Variants in POU2F1 observed in about 807,000 individuals in gnomAD.
The protein encoded by POU2F1 is POU class 2 homeobox 1.
In POU2F1, 16 loss-of-function variants were observed where a neutral mutation model predicts 84.9. The ratio of observed to expected loss-of-function variants is 0.19; its 90% CI spans 0.13 to 0.29. POU2F1 has a LOEUF of 0.29. Among genes scored for constraint, POU2F1 ranks in the 10% least tolerant of loss-of-function variants. POU2F1 has a pLI of 1.00. For synonymous variants in POU2F1, 368 were observed against 368.3 expected, an observed-to-expected ratio of 1.00 and a Z score of 0.01; for missense variants, 738 against 942.6, an observed-to-expected ratio of 0.78 and a Z score of 2.84.
At chr1:167,395,457 A>G (rs944647118) in intron 9 of POU2F1, among the ~76,000 whole-genome samples, 1 of 152,146 alleles carries the variant, frequency 6.6e-6, no homozygotes, top group Admixed American at 6.5e-5. Flanking sequence ...GAAATACTTG[A>G]TAGGGAAAAG....
At chr1:167,361,444 T>G (rs1375975241) in intron 2 of POU2F1, among the ~76,000 whole-genome samples, 1 of 152,230 alleles carries the variant, frequency 6.6e-6, no homozygotes, top group East Asian at 1.9e-4. Context: ...ATATGGTTTT[T>G]GTTTTAATTC....
intron 1 of POU2F1, among the ~76,000 whole-genome samples, chr1:167,313,430 A>G (rs1000272763): frequency 1.3e-5 from 2 of 152,230 alleles, no homozygotes; most frequent in African/African-American, 4.8e-5. Context: ...AAGACTTATT[A>G]TATAGCCACA....
At chr1:167,233,528 A>C (rs879922607) in intron 1 of POU2F1, among the ~76,000 whole-genome samples, 4 of 152,222 alleles carry the variant, frequency 2.6e-5, no homozygotes, top group Admixed American at 6.5e-5. Flanking sequence ...TTTGTAGTCT[A>C]GGAGCAACAG....
In POU2F1 at chr1:167,391,013, A is replaced by G. The variant is rs112288864; in HGVS notation, c.987+1252A>G. 4.6e-3 allele frequency among the ~76,000 whole-genome samples: 700 copies of G among 152,282 alleles called. 4 individuals are homozygous for G. Among genetic ancestry groups the G allele is most frequent in the African/African-American group, 0.016 (664 of 41,554 alleles). ...ACCGAGGACTTTTAAAGAAGGGTGA[A>G]TATATTTAATGGTTTAAACAGTTGT... On this transcript the variant is annotated intron_variant, in intron 9 of 15. Coordinates refer to ENST00000367866, the MANE Select transcript of POU2F1 (RefSeq NM_002697.4).
rs182175277 is a variant in POU2F1 at position 167,307,189 on chromosome 1, A to G, written c.62-25281A>G. Among the ~76,000 whole-genome samples the G allele has an allele frequency of 2.3e-4, 35 of 152,312 alleles. No homozygotes were observed. In the East Asian group the frequency reaches 6.7e-3, roughly 29 times the overall value. On this transcript the variant is annotated intron_variant, in intron 1 of 15. Transcript: ENST00000367866. ...TTTTTCTTCAAATAATAAGTAAGTG[A>G]TGACACCAACTGTGTAAAGTTATTC...
intron 1 of POU2F1, among the ~76,000 whole-genome samples, chr1:167,295,257 T>G (rs1274106688): frequency 6.6e-6 from 1 of 152,130 alleles, no homozygotes. Context: ...AATTCACAGT[T>G]GCAAAGATAT....
At chr1:167,399,034 C>A in intron 11 of POU2F1, 152 bp from the exon 12 acceptor site, 1 of 590,610 alleles carries the variant, frequency 1.7e-6, no homozygotes, top group South Asian at 3.7e-5. Flanking sequence ...TTCATTAGAA[C>A]TTCTATCTAC....
At position 167,388,907 on chromosome 1, in the gene POU2F1, T is replaced by A. The variant is rs186244642; in HGVS notation, c.814-681T>A. Among the ~76,000 whole-genome samples the A allele has an allele frequency of 7.0e-3, 1,060 of 152,296 alleles. 14 individuals carry two copies. The highest frequency in any genetic ancestry group is 0.024 in the African/African-American group (996 of 41,584). ...CCTCTCTCTTCCAAAAAGTTATTTTTATTTTTAATTTTTATTAATTTTTAT... is the reference window on the plus strand; with the variant it reads ...CCTCTCTCTTCCAAAAAGTTATTTTAATTTTTAATTTTTATTAATTTTTAT... On this transcript the variant is annotated intron_variant, in intron 8 of 15. Transcript: ENST00000367866.
chr1:167,228,827 A>G (rs1180534567), intron 1 of POU2F1, among the ~76,000 whole-genome samples: 1 of 152,216 alleles, frequency 6.6e-6, no homozygotes, highest in African/African-American at 2.4e-5. Flanking sequence ...TATAAATAAT[A>G]TTACCATAAC....
intron 1 of POU2F1, among the ~76,000 whole-genome samples, chr1:167,326,755 G>C (rs1304455506): frequency 6.6e-6 from 1 of 152,104 alleles, no homozygotes; most frequent in African/African-American, 2.4e-5. Context: ...TCACTAGGAA[G>C]GTGCTGCTCC....
intron 1 of POU2F1, among the ~76,000 whole-genome samples, chr1:167,294,455 A>G (rs919257416): frequency 6.6e-6 from 1 of 152,230 alleles, no homozygotes; most frequent in Non-Finnish European, 1.5e-5. Flanking sequence ...GCACAGCAAA[A>G]GAAATAATCA....
intron 7 of POU2F1, chr1:167,383,332 T>C (rs2101878717): frequency 6.6e-6 from 1 of 152,380 alleles, no homozygotes; most frequent in Non-Finnish European, 1.5e-5. Context: ...TCATGAAGCA[T>C]TGGTGGCATT....
chr1:167,259,442 G>A (rs2102428462), intron 1 of POU2F1, among the ~76,000 whole-genome samples: 1 of 152,302 alleles, frequency 6.6e-6, no homozygotes, highest in Middle Eastern at 3.4e-3. Context: ...GAATAAATAT[G>A]CCACAGTTGA....
At chr1:167,374,370 A>G (rs1660192822) in intron 6 of POU2F1, 74 bp downstream of exon 6, 1 of 1,414,156 alleles carries the variant, frequency 7.1e-7, no homozygotes, top group Admixed American at 2.7e-5. Flanking sequence ...TGTTAGATTA[A>G]CTTTTTGATT....
At chr1:167,350,990 C>T (rs1658522003) in intron 2 of POU2F1, among the ~76,000 whole-genome samples, 2 of 151,522 alleles carry the variant, frequency 1.3e-5, no homozygotes, top group African/African-American at 2.4e-5. Context: ...AAAAGCGAAA[C>T]TCCATCTCAA....
At chr1:167,230,415 T>C (rs1648983653) in intron 1 of POU2F1, among the ~76,000 whole-genome samples, 1 of 152,188 alleles carries the variant, frequency 6.6e-6, no homozygotes, top group Non-Finnish European at 1.5e-5. Flanking sequence ...TTCAAACTTT[T>C]AAAAGCCTTT....
At chr1:167,390,497 T>C (rs1648322332) in intron 9 of POU2F1, among the ~76,000 whole-genome samples, 1 of 152,178 alleles carries the variant, frequency 6.6e-6, no homozygotes, top group Non-Finnish European at 1.5e-5. Flanking sequence ...TAAAAACAGT[T>C]TTTTGTAGTG....
chr1:167,334,431 GATACCATT>G (rs1450046882), intron 2 of POU2F1, among the ~76,000 whole-genome samples: 3 of 152,038 alleles, frequency 2.0e-5, no homozygotes, highest in Non-Finnish European at 2.9e-5. Flanking sequence ...TGACAAGTTA[GATACCATT>G]ATTTCAAATT....
intron 2 of POU2F1, among the ~76,000 whole-genome samples, chr1:167,336,103 A>G (rs2101740281): frequency 6.6e-6 from 1 of 152,350 alleles, no homozygotes; most frequent in East Asian, 1.9e-4. Flanking sequence ...AATATCACAA[A>G]TGTATTAAAA....
Sources: gnomAD v4.1 joint callset for allele counts (sites outside exome capture counted in the v4.1 genomes callset) on GRCh38, gnomAD v4.1.1 for gene constraint, MANE v1.5 for transcripts, NCBI Gene and HGNC (gene_info 2026-07-23, HGNC 2026-07-21) for gene names.